STXBP5L: variants seen among roughly 807,000 people sequenced by gnomAD.
The protein encoded by STXBP5L is syntaxin binding protein 5L, also known as syntaxin-binding protein 5-like.
A neutral mutation model predicts 144.5 loss-of-function variants in STXBP5L; 65 were observed. That is an observed-to-expected ratio of 0.45 (90% CI 0.37 to 0.55). The LOEUF is 0.55. Among genes scored for constraint, STXBP5L ranks in the 20% least tolerant of loss-of-function variants. The pLI is 0.00. For missense variants in STXBP5L, 1,298 were observed against 1,405.5 expected, an observed-to-expected ratio of 0.92 and a Z score of 1.22; for synonymous variants, 505 against 469.6, an observed-to-expected ratio of 1.08 and a Z score of -0.97.
At chr3:121,085,940 C>A (rs1367342690) in intron 5 of STXBP5L, among the ~76,000 whole-genome samples, 2 of 152,110 alleles carry the variant, frequency 1.3e-5, no homozygotes, top group Admixed American at 6.5e-5. Flanking sequence ...CTACAGTAAC[C>A]AAAACAACAT....
chr3:121,361,082 T>C (rs961541463), intron 20 of STXBP5L, among the ~76,000 whole-genome samples: 2 of 152,112 alleles, frequency 1.3e-5, no homozygotes, highest in African/African-American at 4.8e-5. Context: ...GGGTAAAAGG[T>C]TTTTCCTTCA....
At chr3:121,336,979 C>T (rs774403810) in intron 20 of STXBP5L, among the ~76,000 whole-genome samples, 1 of 152,084 alleles carries the variant, frequency 6.6e-6, no homozygotes, top group Non-Finnish European at 1.5e-5. Context: ...AGGCCATCAT[C>T]CTTAGCAAAC....
intron 19 of STXBP5L, among the ~76,000 whole-genome samples, chr3:121,287,341 T>C (rs541775554): frequency 2.6e-5 from 4 of 152,310 alleles, no homozygotes; most frequent in Admixed American, 1.3e-4. Flanking sequence ...GAAAACTTAA[T>C]GAAATCTGCC....
At chr3:121,126,224 G>A (rs2044696742) in intron 7 of STXBP5L, among the ~76,000 whole-genome samples, 1 of 152,154 alleles carries the variant, frequency 6.6e-6, no homozygotes, top group Non-Finnish European at 1.5e-5. Flanking sequence ...AATCTGGCAT[G>A]CTGCCTGTTT....
chr3:120,921,902 G>C (rs1709376013), intron 2 of STXBP5L, among the ~76,000 whole-genome samples: 1 of 151,932 alleles, frequency 6.6e-6, no homozygotes, highest in Non-Finnish European at 1.5e-5. Flanking sequence ...GTAGTGTGAT[G>C]CCTCTAGCTT....
intron 19 of STXBP5L, among the ~76,000 whole-genome samples, chr3:121,313,845 C>A (rs1363386866): frequency 7.2e-6 from 1 of 138,958 alleles, no homozygotes; most frequent in Non-Finnish European, 1.6e-5. Context: ...TCAGACGGGG[C>A]GGTTGCCAGG....
intron 20 of STXBP5L, among the ~76,000 whole-genome samples, chr3:121,361,129 G>T (rs2045700497): frequency 6.6e-6 from 1 of 152,124 alleles, no homozygotes; most frequent in Non-Finnish European, 1.5e-5. Flanking sequence ...CTCCTATCCT[G>T]TAAAGTTTCC....
intron 3 of STXBP5L, among the ~76,000 whole-genome samples, chr3:120,991,952 A>G (rs1942928904): frequency 6.6e-6 from 1 of 152,206 alleles, no homozygotes. Flanking sequence ...CCTAAAACTT[A>G]AAGTATAATA....
At chr3:121,232,878 T>C (rs2049352398) in intron 11 of STXBP5L, among the ~76,000 whole-genome samples, 1 of 152,184 alleles carries the variant, frequency 6.6e-6, no homozygotes, top group South Asian at 2.1e-4. Flanking sequence ...ATGCTCTGAC[T>C]GGATCCTTCC....
In STXBP5L at chr3:121,339,560, C is replaced by A. The variant is rs1275408207; in HGVS notation, c.2176+21020C>A. On this transcript the variant is annotated intron_variant, in intron 20 of 26. Coordinates refer to ENST00000471454, the MANE Select transcript of STXBP5L (RefSeq NM_001308330.2). ...TCAATATAGTACTGGAAGTCATAGC[C>A]AGGCCAATCAGTCAAGAGAAAGAAA... 2.0e-5 allele frequency among the ~76,000 whole-genome samples: 3 copies of A among 152,014 alleles called. No individual in the cohort carries two copies. The East Asian group carries it at 5.8e-4, about 29-fold the overall frequency.
At chr3:121,285,362 G>A (rs768704401) in intron 19 of STXBP5L, among the ~76,000 whole-genome samples, 1 of 152,010 alleles carries the variant, frequency 6.6e-6, no homozygotes, top group Non-Finnish European at 1.5e-5. Flanking sequence ...TACTCGATAG[G>A]CTTTTCACTG....
intron 5 of STXBP5L, among the ~76,000 whole-genome samples, chr3:121,110,819 C>T (rs184214010): frequency 8.5e-5 from 13 of 152,260 alleles, no homozygotes; most frequent in African/African-American, 2.6e-4. Flanking sequence ...TCTTGAAGTA[C>T]GTTTTCCAAC....
chr3:121,065,667 C>G (rs2041508743), intron 5 of STXBP5L, among the ~76,000 whole-genome samples: 2 of 152,128 alleles, frequency 1.3e-5, no homozygotes, highest in Admixed American at 1.3e-4. Flanking sequence ...TTCAGCCTCC[C>G]AAGTATCTGG....
chr3:121,172,928 C>A (rs1237692577), intron 9 of STXBP5L, among the ~76,000 whole-genome samples: 1 of 152,176 alleles, frequency 6.6e-6, no homozygotes. Context: ...TTGGAACCAA[C>A]CCAAATGTCC....
At chr3:120,988,297 G>T (rs1179566763) in intron 3 of STXBP5L, among the ~76,000 whole-genome samples, 3 of 151,462 alleles carry the variant, frequency 2.0e-5, no homozygotes, top group Admixed American at 6.6e-5. Context: ...TTTAATACAG[G>T]TGTTTTTTTC....
At chr3:121,207,066 A>G (rs1383338831) in intron 10 of STXBP5L, among the ~76,000 whole-genome samples, 1 of 152,184 alleles carries the variant, frequency 6.6e-6, no homozygotes, top group African/African-American at 2.4e-5. Context: ...GTACAAAATT[A>G]TGCTCATTTT....
chr3:121,333,158 T>C (rs1219371429), intron 20 of STXBP5L, among the ~76,000 whole-genome samples: 2 of 152,016 alleles, frequency 1.3e-5, no homozygotes, highest in African/African-American at 4.8e-5. Flanking sequence ...ACAGGTCCTA[T>C]AAAATAATAG....
At chr3:121,197,509 T>A (rs2047967674) in intron 9 of STXBP5L, among the ~76,000 whole-genome samples, 1 of 152,102 alleles carries the variant, frequency 6.6e-6, no homozygotes, top group Non-Finnish European at 1.5e-5. Context: ...TTATTTACTT[T>A]AAGTTCTGGG....
rs2045669478 is a variant in STXBP5L at position 121,145,236 on chromosome 3, C to T, written c.670-7241C>T. Among the ~76,000 whole-genome samples, 3 of 151,672 alleles carry T rather than the reference C, an allele frequency of 2.0e-5. 1 individual carries two copies. In the South Asian group the frequency reaches 6.2e-4, roughly 32 times the overall value. On this transcript the variant is annotated intron_variant, in intron 7 of 26. Coordinates refer to ENST00000471454, the MANE Select transcript of STXBP5L (RefSeq NM_001308330.2). ...TAAAATATTAGGAGACAGAATCCCA[C>T]CAGCACATTAAAAAATAATTAATTA...
Sources: allele counts gnomAD v4.1 joint callset (sites outside exome capture counted in the v4.1 genomes callset), GRCh38; gene constraint gnomAD v4.1.1; transcripts MANE v1.5; gene names NCBI Gene and HGNC (gene_info 2026-07-23, HGNC 2026-07-21).